The following FAM135B variants were observed in gnomAD, a reference collection of about 807,000 sequenced individuals.
FAM135B encodes family with sequence similarity 135 member B.
In FAM135B, 43 loss-of-function variants were observed where a neutral mutation model predicts 127.7. The ratio of observed to expected loss-of-function variants is 0.34; its 90% CI spans 0.26 to 0.43. The LOEUF (loss-of-function observed/expected upper bound fraction) is 0.43, where lower values mean the gene tolerates loss of function less well. Ranked by LOEUF, FAM135B falls within the 20% of genes least tolerant of loss-of-function variation. The pLI is 1.00. For missense variants in FAM135B, 1,558 were observed against 1,725.6 expected, an observed-to-expected ratio of 0.90 and a Z score of 1.72; for synonymous variants, 670 against 665.1, an observed-to-expected ratio of 1.01 and a Z score of -0.11.
chr8:138,143,021 G>C lies in FAM135B; in HGVS notation c.3629C>G (p.Ser1210Cys), dbSNP rs866153184. 1 of 1,577,838 alleles carries C rather than the reference G, an allele frequency of 6.3e-7. No homozygotes were observed. The highest frequency in any genetic ancestry group is 8.7e-7 in the Non-Finnish European group (1 of 1,147,078). Reference sequence around the variant, plus strand: ...TGTGGTTTCCTTTTACCTAATTCGGGATATGGAGAGGTTGTACAACTGAAT... The same window carrying C: ...TGTGGTTTCCTTTTACCTAATTCGGCATATGGAGAGGTTGTACAACTGAAT... ...QHIQLYNLSI[S>C]RISFIGHSLG... The change falls in exon 16 of 20, where the codon TCC becomes TGC. Residue 1210 changes from serine to cysteine, a missense_variant. Around this residue, in one of 5 missense-constraint regions of FAM135B, gnomAD observed 194 missense variants for 333.8 expected, o/e 0.58. Transcript: ENST00000395297.
At chr8:138,252,133 G>C (rs527279351) in intron 5 of FAM135B, among the ~76,000 whole-genome samples, 1 of 152,300 alleles carries the variant, frequency 6.6e-6, no homozygotes, top group South Asian at 2.1e-4. Flanking sequence ...AGGGTGAAGG[G>C]TCTAGGCCAT....
intron 3 of FAM135B, among the ~76,000 whole-genome samples, chr8:138,282,891 A>G (rs1255823812): frequency 6.6e-6 from 1 of 152,130 alleles, no homozygotes; most frequent in Non-Finnish European, 1.5e-5. Flanking sequence ...AAAAGTTCAT[A>G]GCAGTTTGTT....
Position 138,151,426 on chromosome 8 carries a change from C to A in FAM135B, c.3049G>T (p.Ala1017Ser). The A allele has an allele frequency of 6.2e-7, 1 of 1,614,088 alleles. No homozygotes were observed. Residue 1017 changes from alanine (A) to serine (S), a missense_variant, in exon 13 of 20, where the codon GCA becomes TCA. Transcript: ENST00000395297. ...TSIMGSHLTSAETFTLDSLKA... is the reference protein window; with the variant it reads ...TSIMGSHLTSSETFTLDSLKA... ...AGGCTGTCCAGAGTAAAGGTCTCTG[C>A]AGAAGTCAGATGGGACCCCATGATG...
At chr8:138,374,543 A>C (rs1831343529) in intron 1 of FAM135B, among the ~76,000 whole-genome samples, 5 of 152,194 alleles carry the variant, frequency 3.3e-5, no homozygotes, top group Admixed American at 3.3e-4. Context: ...TAAGTAGTAG[A>C]GGTTCACAAA....
chr8:138,257,902 CAAAACAA>C (rs1563828625), intron 4 of FAM135B, among the ~76,000 whole-genome samples: 2 of 97,072 alleles, frequency 2.1e-5, no homozygotes, highest in African/African-American at 5.7e-5. Flanking sequence ...AAAAATAAAA[CAAAACAA>C]AACAAAACAA....
At chr8:138,195,182 C>T in intron 9 of FAM135B, 76 bp downstream of exon 9, 3 of 1,441,084 alleles carry the variant, frequency 2.1e-6, no homozygotes, top group Non-Finnish European at 2.9e-6. Context: ...CTGTTTTTTA[C>T]AGCAAGCAAG....
chr8:138,285,439 G>T (rs1006483857), intron 3 of FAM135B, among the ~76,000 whole-genome samples: 3 of 152,076 alleles, frequency 2.0e-5, no homozygotes, highest in Non-Finnish European at 2.9e-5. Context: ...GAGCCACTAC[G>T]CCTGGCCTTG....
In FAM135B at chr8:138,312,103, C is replaced by CG. The variant is rs1826727841; in HGVS notation, c.78-1184dup. Reference sequence around the variant, plus strand: ...CTGGGACTAGAGGCACGCACCACCACGCCTGGCTAATTTTTGTATTTTTAG... The same window carrying CG: ...CTGGGACTAGAGGCACGCACCACCACGGCCTGGCTAATTTTTGTATTTTTAG... On this transcript the variant is annotated intron_variant, in intron 2 of 19. Transcript: ENST00000395297. 1.3e-5 allele frequency among the ~76,000 whole-genome samples: 2 copies of CG among 152,036 alleles called. 1 individual carries two copies. Among genetic ancestry groups the CG allele is most frequent in the South Asian group, 4.1e-4 (2 of 4,832 alleles).
At chr8:138,427,572 CATAA>C (rs1299282097) in intron 1 of FAM135B, among the ~76,000 whole-genome samples, 2 of 151,994 alleles carry the variant, frequency 1.3e-5, no homozygotes. Flanking sequence ...AACTTGCCAG[CATAA>C]TAAATACTTG....
chr8:138,432,569 G>C (rs1160293104), intron 1 of FAM135B, among the ~76,000 whole-genome samples: 8 of 151,764 alleles, frequency 5.3e-5, no homozygotes, highest in Non-Finnish European at 5.9e-5. Flanking sequence ...AGTTATACAG[G>C]TTATTTTGCC....
chr8:138,445,159 T>C (rs1192307974), intron 1 of FAM135B, among the ~76,000 whole-genome samples: 1 of 152,074 alleles, frequency 6.6e-6, no homozygotes, highest in African/African-American at 2.4e-5. Context: ...AGGCAATAAT[T>C]AATAGCTTAC....
intron 1 of FAM135B, among the ~76,000 whole-genome samples, chr8:138,415,978 C>T (rs990603006): frequency 2.6e-5 from 4 of 152,200 alleles, no homozygotes; most frequent in African/African-American, 7.2e-5. Flanking sequence ...TTGCTAGCCT[C>T]AATGTTCTCT....
At chr8:138,487,994 A>T (rs1161536724) in intron 1 of FAM135B, among the ~76,000 whole-genome samples, 1 of 150,458 alleles carries the variant, frequency 6.6e-6, no homozygotes, top group Non-Finnish European at 1.5e-5. Context: ...ACAGAGTGAG[A>T]CTCTCTCTCA....
At chr8:138,433,182 G>A (rs1276335109) in intron 1 of FAM135B, among the ~76,000 whole-genome samples, 7 of 152,078 alleles carry the variant, frequency 4.6e-5, no homozygotes, top group Non-Finnish European at 8.8e-5. Flanking sequence ...TTATATTTCA[G>A]GAACTGTGTA....
intron 19 of FAM135B, among the ~76,000 whole-genome samples, chr8:138,133,551 G>A (rs1816374631): frequency 6.6e-6 from 1 of 152,176 alleles, no homozygotes; most frequent in Non-Finnish European, 1.5e-5. Flanking sequence ...TGAGAGCTGG[G>A]ATATTTTACT....
At chr8:138,209,588 G>GTTGATCATGCTCTCAA (rs1167570633) in intron 7 of FAM135B, among the ~76,000 whole-genome samples, 2 of 152,128 alleles carry the variant, frequency 1.3e-5, no homozygotes, top group Non-Finnish European at 2.9e-5. Flanking sequence ...GGAGAGCCAG[G>GTTGATCATGCTCTCAA]CATAGCATGT....
intron 14 of FAM135B, 27 bp downstream of exon 14, chr8:138,148,493 G>T (rs1248693271): frequency 2.5e-6 from 4 of 1,595,126 alleles, no homozygotes; most frequent in South Asian, 1.1e-5. Flanking sequence ...GACAGAATTT[G>T]GGAAGAAAAC....
Position 138,152,525 on chromosome 8 carries a change from C to G in FAM135B, c.1950G>C (p.Glu650Asp), listed in dbSNP as rs1246776341. The G allele has an allele frequency of 6.2e-7, 1 of 1,614,166 alleles. No homozygotes were observed. The highest frequency in any genetic ancestry group is 8.5e-7 in the Non-Finnish European group (1 of 1,180,042). ...TTAGGGAAGACCTAATATCTAAGGG[C>G]TCCCTCAGGGTAGAACTTAGTGGAT... ...PCDPLSSTLR[E>D]PLDIRSSLKD... Residue 650 changes from glutamate to aspartate, a missense_variant, in exon 13 of 20, where the codon GAG (glutamate) becomes GAC (aspartate). By Grantham distance (45) the Glu-to-Asp change is conservative. Transcript: ENST00000395297.
intron 15 of FAM135B, among the ~76,000 whole-genome samples, chr8:138,143,329 G>A (rs1411692030): frequency 6.6e-6 from 1 of 152,154 alleles, no homozygotes; most frequent in African/African-American, 2.4e-5. Flanking sequence ...TCAGCTGGGA[G>A]GGTGGCTGAC....
Sources: gnomAD v4.1 joint callset for allele counts (sites outside exome capture counted in the v4.1 genomes callset) on GRCh38, gnomAD v4.1.1 for gene constraint, gnomAD v4.1.1 regional missense constraint, MANE v1.5 for transcripts, NCBI Gene and HGNC (gene_info 2026-07-23, HGNC 2026-07-21) for gene names.